The following BICRA variants were observed in gnomAD, a reference collection of about 807,000 sequenced individuals.
BICRA encodes the protein BRD4 interacting chromatin remodeling complex associated protein, also known as BRD4-interacting chromatin-remodeling complex-associated protein.
Under a neutral mutation model 96.9 loss-of-function variants are expected in BICRA, and 31 were observed. That is an observed-to-expected ratio of 0.32 (90% CI 0.24 to 0.43). BICRA has a LOEUF of 0.43. Ranked by LOEUF, BICRA falls within the 20% of genes least tolerant of loss-of-function variation. The pLI is 1.00. For synonymous variants in BICRA, 1,350 were observed against 1,071.8 expected, an observed-to-expected ratio of 1.26 and a Z score of -5.07; for missense variants, 2,283 against 2,190.3, an observed-to-expected ratio of 1.04 and a Z score of -0.84.
intron 1 of BICRA, among the ~76,000 whole-genome samples, chr19:47,631,992 A>G (rs1294370155): frequency 6.6e-6 from 1 of 152,128 alleles, no homozygotes; most frequent in African/African-American, 2.4e-5. Context: ...GTTCCATTTT[A>G]TCTCCGCTTT....
In BICRA at chr19:47,642,205, A is replaced by G. The variant is rs575185566; in HGVS notation, c.-107-28238A>G. On this transcript the variant is annotated intron_variant, in intron 1 of 14. Transcript: ENST00000594866. ...GTTCATTCCTTCTTTTGCTGGCAATATGCCATTATGCAGATATAATTTTTT... is the reference window on the plus strand; with the variant it reads ...GTTCATTCCTTCTTTTGCTGGCAATGTGCCATTATGCAGATATAATTTTTT... Among the ~76,000 whole-genome samples, 24 of 152,338 alleles carry G rather than the reference A, an allele frequency of 1.6e-4. No individual in the cohort carries two copies. The South Asian group carries it at 2.1e-3, about 13-fold the overall frequency.
intron 1 of BICRA, among the ~76,000 whole-genome samples, chr19:47,644,816 T>C (rs928666998): frequency 6.6e-6 from 1 of 152,132 alleles, no homozygotes; most frequent in African/African-American, 2.4e-5. Flanking sequence ...TCCATATGCT[T>C]TTATTTCTAC....
rs561753765 is a variant in BICRA at position 47,693,731 on chromosome 19, C to A, written c.2284-384C>A. On this transcript the variant is annotated intron_variant, in intron 7 of 14. Transcript: ENST00000594866. ...GGCCCTCCTGCCTCCTGCTGGGCAG[C>A]GGGTGTGGTGCCCCTGCTGCCACCG... Among the ~76,000 whole-genome samples, 149 of 152,268 alleles carry A rather than the reference C, an allele frequency of 9.8e-4. 1 individual carries two copies. Among genetic ancestry groups the A allele is most frequent in the African/African-American group, 3.6e-3 (148 of 41,560 alleles).
At chr19:47,689,015 C>G (rs1409977789) in intron 7 of BICRA, among the ~76,000 whole-genome samples, 1 of 151,824 alleles carries the variant, frequency 6.6e-6, no homozygotes, top group African/African-American at 2.4e-5. Context: ...TTTAGAGAGA[C>G]GAGGTTTCAC....
chr19:47,660,918 T>C (rs1172414337), intron 1 of BICRA, among the ~76,000 whole-genome samples: 1 of 152,144 alleles, frequency 6.6e-6, no homozygotes, highest in South Asian at 2.1e-4. Context: ...AATGATAAGA[T>C]GAAGCACTTT....
Position 47,698,718 on chromosome 19 carries a change from G to C in BICRA, c.3333G>C (p.Leu1111=), listed in dbSNP as rs763813226. The change falls in exon 12 of 15, where the codon CTG becomes CTC. Residue 1111 remains leucine (L), a synonymous_variant. Coordinates refer to ENST00000594866, the MANE Select transcript of BICRA (RefSeq NM_001394372.1). This position sits in a 1 kb window ranked among gnomAD's most constrained non-coding sequence, Gnocchi z 4.8. ...CCTTCCCCTCCTTTGAGGACGCCCT[G>C]CATCGCCTCCTGCCCTACCATGTCT... ...KTAFPSFEDA[L]HRLLPYHVYQ... The C allele has an allele frequency of 9.3e-6, 15 of 1,608,152 alleles. No homozygotes were observed. Among genetic ancestry groups the C allele is most frequent in the African/African-American group, 1.3e-5 (1 of 74,732 alleles).
rs769179925 is a variant in BICRA, at chr19:47,682,083, C to T, written c.2214C>T (p.Pro738=). 1.2e-5 allele frequency: 19 copies of T among 1,522,980 alleles called. No individual in the cohort carries two copies. The highest frequency in any genetic ancestry group is 2.0e-4 in the Middle Eastern group (1 of 4,924). 94.3% of individuals were successfully genotyped at this position (1,522,980 alleles called of 1,614,324 possible). ...CCCAAGACCCAGCCCCAGCCACCCC[C>T]GTCGCCAAAGGAGCTGGCCTCGGCC... ...PPAQDPAPAT[P]VAKGAGLGPQ... is the part of the protein sequence containing the mutation. Residue 738 remains proline (P), a synonymous_variant, in exon 7 of 15, where the codon CCC becomes CCT. Coordinates refer to ENST00000594866, the MANE Select transcript of BICRA (RefSeq NM_001394372.1).
intron 1 of BICRA, among the ~76,000 whole-genome samples, chr19:47,644,644 GCGCC>G (rs1227324402): frequency 6.6e-6 from 1 of 151,888 alleles, no homozygotes; most frequent in Non-Finnish European, 1.5e-5. Context: ...GGGATTACAG[GCGCC>G]CGCCACTATG....
rs10675281 is a variant in BICRA at position 47,620,667 on chromosome 19, CAAA to C, written c.-108+11519_-108+11521del. Among the ~76,000 whole-genome samples, 239 of 67,694 alleles carry C rather than the reference CAAA, an allele frequency of 3.5e-3. 3 individuals are homozygous for C. The highest frequency in any genetic ancestry group is 0.014 in the African/African-American group (221 of 15,370). The allele number at this position is 67,694 out of a possible 152,430, so 44.4% of individuals were successfully genotyped here. ...CTTGGGCGACAGAGTGAGACTGTCT[CAAA>C]AAAAAAAAAAAAAAAAAAACAAGAA... On this transcript the variant is annotated intron_variant, in intron 1 of 14. Coordinates refer to ENST00000594866, the MANE Select transcript of BICRA (RefSeq NM_001394372.1).
intron 7 of BICRA, among the ~76,000 whole-genome samples, chr19:47,688,246 G>A (rs1035227554): frequency 3.3e-5 from 5 of 151,936 alleles, no homozygotes; most frequent in Admixed American, 6.6e-5. Flanking sequence ...ACAACATAGC[G>A]AGATCTCATT....
intron 2 of BICRA, among the ~76,000 whole-genome samples, chr19:47,671,287 G>T (rs1972858332): frequency 6.6e-6 from 1 of 152,166 alleles, no homozygotes; most frequent in African/African-American, 2.4e-5. Context: ...AGAGTATGCT[G>T]TCAGGGTGAG....
In BICRA at chr19:47,675,860, G is replaced by T; in HGVS notation, c.94G>T (p.Asp32Tyr). The T allele has an allele frequency of 6.2e-7, 1 of 1,606,744 alleles. No individual in the cohort carries two copies. The highest frequency in any genetic ancestry group is 8.5e-7 in the Non-Finnish European group (1 of 1,175,970). The change falls in exon 5 of 15, where the codon GAT (aspartate) becomes TAT (tyrosine). Residue 32 changes from aspartate (D) to tyrosine (Y), a missense_variant. By Grantham distance (160) the Asp-to-Tyr change is radical. Coordinates refer to ENST00000594866, the MANE Select transcript of BICRA (RefSeq NM_001394372.1). This position sits in a 1 kb window ranked among gnomAD's most constrained non-coding sequence, Gnocchi z 4.7. ...GCGGGTCTTGTTGCAGCTTGACAGTGATGACCTCCTGGATAATCCCGGGGA... is the reference window on the plus strand; with the variant it reads ...GCGGGTCTTGTTGCAGCTTGACAGTTATGACCTCCTGGATAATCCCGGGGA... ...FLHGSEKLDS[D>Y]DLLDNPGEAQ...
intron 1 of BICRA, among the ~76,000 whole-genome samples, chr19:47,628,128 A>G (rs761658290): frequency 1.3e-5 from 2 of 152,188 alleles, no homozygotes; most frequent in Non-Finnish European, 2.9e-5. Flanking sequence ...ACAACATGAC[A>G]AGGACTTTGT....
At chr19:47,611,534 G>T (rs1046818366) in intron 1 of BICRA, among the ~76,000 whole-genome samples, 7 of 152,202 alleles carry the variant, frequency 4.6e-5, no homozygotes, top group African/African-American at 1.7e-4. Context: ...ACTCAGCCCT[G>T]AAGTAGAGAA....
intron 1 of BICRA, among the ~76,000 whole-genome samples, chr19:47,665,752 G>A (rs573479800): frequency 1.3e-5 from 2 of 152,176 alleles, no homozygotes; most frequent in Non-Finnish European, 2.9e-5. Context: ...TGCAGGTGCC[G>A]CAGCGCCCCC....
chr19:47,649,131 G>A (rs1403170312), intron 1 of BICRA, among the ~76,000 whole-genome samples: 3 of 151,944 alleles, frequency 2.0e-5, no homozygotes, highest in Admixed American at 6.6e-5. Context: ...GATTACAGGC[G>A]TGAGCCACTG....
chr19:47,637,125 T>C (rs1223216337), intron 1 of BICRA, among the ~76,000 whole-genome samples: 1 of 151,972 alleles, frequency 6.6e-6, no homozygotes, highest in Non-Finnish European at 1.5e-5. Flanking sequence ...TTTTATTTTA[T>C]TTATTTATTT....
chr19:47,651,102 C>T (rs1437329558), intron 1 of BICRA, among the ~76,000 whole-genome samples: 1 of 152,102 alleles, frequency 6.6e-6, no homozygotes, highest in Non-Finnish European at 1.5e-5. Context: ...ATTACCGTCG[C>T]CCCCTCTCTG....
In BICRA at chr19:47,632,540, C is replaced by T. The variant is rs867993372; in HGVS notation, c.-108+23372C>T. ...GAGAGCTGGCTGCATCCGATGGTCC[C>T]ACCGCAGGGAGCGTGACCAGGAGGT... On this transcript the variant is annotated intron_variant, in intron 1 of 14. Transcript: ENST00000594866. 5.3e-5 allele frequency among the ~76,000 whole-genome samples: 8 copies of T among 152,232 alleles called. 1 individual carries two copies. Among genetic ancestry groups the T allele is most frequent in the South Asian group, 4.1e-4 (2 of 4,834 alleles).
Sources: allele counts gnomAD v4.1 joint callset (sites outside exome capture counted in the v4.1 genomes callset), GRCh38; gene constraint gnomAD v4.1.1; non-coding constraint Gnocchi (gnomAD v3.1); transcripts MANE v1.5; gene names NCBI Gene and HGNC (gene_info 2026-07-23, HGNC 2026-07-21).